Variants in DGKH observed in about 807,000 individuals in gnomAD.
DGKH encodes the protein diacylglycerol kinase eta, also known as DAG kinase eta.
DGKH carries 90 observed loss-of-function variants against 159.3 expected under a neutral mutation model. That is an observed-to-expected ratio of 0.57 (90% CI 0.48 to 0.67). The LOEUF is 0.67. Among genes scored for constraint, DGKH ranks in the 30% least tolerant of loss-of-function variants. The probability of loss-of-function intolerance (pLI) is 0.00; values close to 1 mark genes in which losing one functional copy is unlikely to be tolerated. For synonymous variants in DGKH, 536 were observed against 553.8 expected, an observed-to-expected ratio of 0.97 and a Z score of 0.45; for missense variants, 1,181 against 1,506.1, an observed-to-expected ratio of 0.78 and a Z score of 3.57.
chr13:42,140,064 A>G (rs1955504345), intron 3 of DGKH, among the ~76,000 whole-genome samples: 1 of 152,230 alleles, frequency 6.6e-6, no homozygotes, highest in Non-Finnish European at 1.5e-5. Flanking sequence ...AGACTAGTTC[A>G]TCTGCTCTTC....
chr13:42,171,465 C>G (rs188929028), intron 11 of DGKH, among the ~76,000 whole-genome samples: 9 of 152,256 alleles, frequency 5.9e-5, no homozygotes, highest in African/African-American at 1.7e-4. Flanking sequence ...GCCACTTTCT[C>G]CTTTTTATTT....
intron 1 of DGKH, among the ~76,000 whole-genome samples, chr13:42,068,416 A>G (rs571436059): frequency 6.6e-6 from 1 of 152,284 alleles, no homozygotes; most frequent in African/African-American, 2.4e-5. Flanking sequence ...TATGGGTGGT[A>G]TGTTTTGCCG....
intron 1 of DGKH, among the ~76,000 whole-genome samples, chr13:42,073,047 G>A (rs898463778): frequency 3.3e-5 from 5 of 152,170 alleles, no homozygotes; most frequent in Non-Finnish European, 7.4e-5. Context: ...AACACTGCCT[G>A]TTACATAGTC....
chr13:42,198,692 A>G (rs180713691), intron 18 of DGKH, 97 bp downstream of exon 18: 37 of 1,045,298 alleles, frequency 3.5e-5, no homozygotes, highest in African/African-American at 3.4e-4. Context: ...TACAATAAAT[A>G]TGGTCCCATG....
At chr13:42,121,524 A>G (rs945337167) in intron 1 of DGKH, among the ~76,000 whole-genome samples, 1 of 152,240 alleles carries the variant, frequency 6.6e-6, no homozygotes, top group African/African-American at 2.4e-5. Flanking sequence ...AAGACAAATG[A>G]GATAGACCTC....
intron 17 of DGKH, 148 bp downstream of exon 17, chr13:42,195,164 C>A: frequency 3.5e-6 from 4 of 1,143,120 alleles, no homozygotes; most frequent in Non-Finnish European, 4.8e-6. Flanking sequence ...GAATCCAGGC[C>A]CTTAGATTCT....
chr13:42,074,527 C>T (rs1883175470), intron 1 of DGKH, among the ~76,000 whole-genome samples: 1 of 152,044 alleles, frequency 6.6e-6, no homozygotes, highest in South Asian at 2.1e-4. Context: ...TGAAAGAATC[C>T]ACATGGAAGG....
intron 12 of DGKH, 45 bp downstream of exon 12, chr13:42,174,189 T>C: frequency 7.1e-7 from 1 of 1,417,114 alleles, no homozygotes; most frequent in African/African-American, 1.4e-5. Flanking sequence ...GGGGTGGATA[T>C]CTTGAGAAAA....
At position 42,188,955 on chromosome 13, in the gene DGKH, C is replaced by T. The variant is rs982882006; in HGVS notation, c.1639-81C>T. ...TCTAGTGATTAAACTTTCAAAACAT[C>T]TCTATAAAAATTTCTTGTACTTTGT... On this transcript the variant is annotated intron_variant, in intron 14 of 29. Coordinates refer to ENST00000337343, the MANE Select transcript of DGKH (RefSeq NM_178009.5). 6 of 1,478,296 alleles carry T rather than the reference C, an allele frequency of 4.1e-6. No individual in the cohort carries two copies. In the African/African-American group the frequency reaches 5.6e-5, roughly 14 times the overall value. The allele number at this position is 1,478,296 out of a possible 1,614,324, so 91.6% of individuals were successfully genotyped here. A position where few individuals can be genotyped will look rare whatever the true frequency, so the allele number is the denominator to read the frequency against.
At chr13:42,087,891 T>C (rs1295286827) in intron 1 of DGKH, among the ~76,000 whole-genome samples, 1 of 151,724 alleles carries the variant, frequency 6.6e-6, no homozygotes, top group Non-Finnish European at 1.5e-5. Context: ...TTGATGAAAA[T>C]TATAAATTCA....
At chr13:42,194,807 T>A (rs1432902991) in intron 16 of DGKH, 78 bp from the exon 17 acceptor site, 1 of 1,451,042 alleles carries the variant, frequency 6.9e-7, no homozygotes, top group Non-Finnish European at 9.3e-7. Flanking sequence ...CATTATTTTA[T>A]GTTTTAAATT....
intron 3 of DGKH, among the ~76,000 whole-genome samples, chr13:42,144,482 T>G (rs1197872393): frequency 1.3e-5 from 2 of 151,784 alleles, no homozygotes; most frequent in Non-Finnish European, 2.9e-5. Context: ...AGGCCTGGAG[T>G]TAGAGACCAG....
At chr13:42,103,801 G>A (rs914957674) in intron 1 of DGKH, among the ~76,000 whole-genome samples, 2 of 152,194 alleles carry the variant, frequency 1.3e-5, no homozygotes, top group African/African-American at 4.8e-5. Context: ...TGGAGAGAAG[G>A]AGTGGATACC....
At chr13:42,104,513 G>A (rs949979660) in intron 1 of DGKH, among the ~76,000 whole-genome samples, 1 of 152,152 alleles carries the variant, frequency 6.6e-6, no homozygotes, top group Non-Finnish European at 1.5e-5. Context: ...TGCTTGAGTC[G>A]TCCCTATTTC....
intron 7 of DGKH, among the ~76,000 whole-genome samples, chr13:42,160,504 G>A (rs1239677927): frequency 6.6e-6 from 1 of 152,188 alleles, no homozygotes; most frequent in African/African-American, 2.4e-5. Flanking sequence ...ATGTAAATTT[G>A]CTACAACCCT....
chr13:42,243,481 T>C (rs891944633), downstream of DGKH, among the ~76,000 whole-genome samples: 1 of 152,194 alleles, frequency 6.6e-6, no homozygotes, highest in Admixed American at 6.5e-5. Context: ...ATGACAAGTG[T>C]TGTCTCTAGT....
intron 3 of DGKH, among the ~76,000 whole-genome samples, chr13:42,150,823 C>T (rs1370748989): frequency 6.6e-6 from 1 of 152,044 alleles, no homozygotes; most frequent in Non-Finnish European, 1.5e-5. Context: ...ATCCCTGGAA[C>T]TTACAGAATG....
chr13:42,122,219 G>T (rs1955088438), intron 1 of DGKH, among the ~76,000 whole-genome samples: 1 of 152,170 alleles, frequency 6.6e-6, no homozygotes, highest in Non-Finnish European at 1.5e-5. Context: ...GTCATCACAA[G>T]ATTTAGCTTC....
chr13:42,125,658 A>C (rs1955155505), intron 1 of DGKH, among the ~76,000 whole-genome samples: 1 of 152,246 alleles, frequency 6.6e-6, no homozygotes, highest in South Asian at 2.1e-4. Context: ...AGCAAGCTGT[A>C]GAGTAAAATT....
Sources: gnomAD v4.1 joint callset for allele counts (sites outside exome capture counted in the v4.1 genomes callset) on GRCh38, gnomAD v4.1.1 for gene constraint, MANE v1.5 for transcripts, NCBI Gene and HGNC (gene_info 2026-07-23, HGNC 2026-07-21) for gene names.